The following UTP14A variants were observed in gnomAD, a reference collection of about 807,000 sequenced individuals.
UTP14A encodes UTP14A small subunit processome component.
A neutral mutation model predicts 57.2 loss-of-function variants in UTP14A; 5 were observed. That is an observed-to-expected ratio of 0.09 (90% CI 0.05 to 0.18). The LOEUF is 0.18. Ranked by LOEUF, UTP14A falls within the 10% of genes least tolerant of loss-of-function variation. The probability of loss-of-function intolerance (pLI) is 1.00; values close to 1 mark genes in which losing one functional copy is unlikely to be tolerated. For synonymous variants in UTP14A, 169 were observed against 210.9 expected, an observed-to-expected ratio of 0.80 and a Z score of 1.72; for missense variants, 430 against 562.1, an observed-to-expected ratio of 0.76 and a Z score of 2.38.
intron 8 of UTP14A, among the ~76,000 whole-genome samples, 161 bp from the exon 9 acceptor site, chrX:129,920,296 C>A (rs1929858627): frequency 8.9e-6 from 1 of 111,974 alleles, no homozygotes; most frequent in Non-Finnish European, 1.9e-5. Flanking sequence ...AAGAATCTTG[C>A]CAGTCCTGTC....
chrX:129,924,217 C>T (rs1292876675), intron 11 of UTP14A, among the ~76,000 whole-genome samples: 2 of 110,669 alleles, frequency 1.8e-5, no homozygotes, highest in Admixed American at 9.7e-5. Context: ...AGCTATCCTG[C>T]CCCCTTGGCC....
At chrX:129,910,412 AGTG>A (rs754751529) in intron 4 of UTP14A, among the ~76,000 whole-genome samples, 5 of 111,603 alleles carry the variant, frequency 4.5e-5, no homozygotes, top group Non-Finnish European at 9.4e-5. Flanking sequence ...GGCTGGATAC[AGTG>A]GTTTACACCT....
At chrX:129,909,855 CAAA>C (rs1929399654) in intron 4 of UTP14A, among the ~76,000 whole-genome samples, 2 of 111,930 alleles carry the variant, frequency 1.8e-5, no homozygotes, top group Non-Finnish European at 3.8e-5. Flanking sequence ...CCTCCTAGGG[CAAA>C]TAACAATGTA....
chrX:129,918,606 G>A (rs1011071621), intron 6 of UTP14A, among the ~76,000 whole-genome samples: 22 of 110,847 alleles, frequency 2.0e-4, no homozygotes, highest in African/African-American at 6.9e-4. Context: ...GGGCCGGCGC[G>A]GTGGCTCACG....
chrX:129,929,295 C>A, intron 14 of UTP14A, 41 bp from the exon 15 acceptor site: 1 of 1,196,180 alleles, frequency 8.4e-7, no homozygotes, highest in Non-Finnish European at 1.1e-6. Flanking sequence ...CAACTGCACC[C>A]CAGGCCTGCC....
rs1251274953 is a variant in UTP14A, at chrX:129,919,256, G to A, written c.619G>A (p.Val207Met). ...QPVTDPLLTP[V>M]EKASLRAMSL... ...AGTGACAGACCCTTTACTGACCCCT[G>A]TGGAAAAGGCCTCTCTCCGAGCCAT... The change falls in exon 7 of 15, where the codon GTG becomes ATG. Residue 207 changes from valine (V) to methionine (M), a missense_variant. Physicochemically the swap from Val to Met is conservative, Grantham distance 21 (BLOSUM62 1). This residue lies in a region of UTP14A where 145 missense variants were observed against 153.5 expected (regional missense o/e 0.94). Transcript: ENST00000394422. The A allele has an allele frequency of 1.9e-5, 23 of 1,209,836 alleles. No homozygotes were observed. Among genetic ancestry groups the A allele is most frequent in the Non-Finnish European group, 2.6e-5 (23 of 895,252 alleles).
intron 6 of UTP14A, among the ~76,000 whole-genome samples, chrX:129,913,684 T>C (rs146393888): frequency 0.01 from 1,175 of 112,386 alleles, 7 homozygotes; most frequent in Middle Eastern, 0.056. Context: ...AAGTTTGTTA[T>C]TAAAAACGAG....
chrX:129,917,429 G>A (rs1039016322), intron 6 of UTP14A, among the ~76,000 whole-genome samples: 3 of 112,060 alleles, frequency 2.7e-5, no homozygotes, highest in African/African-American at 9.7e-5. Flanking sequence ...TAATATGTGT[G>A]TGAGGTTTGA....
At chrX:129,912,823 T>C (rs1008504412) in intron 6 of UTP14A, among the ~76,000 whole-genome samples, 1 of 111,977 alleles carries the variant, frequency 8.9e-6, no homozygotes, top group Non-Finnish European at 1.9e-5. Context: ...TAATTCTAAG[T>C]ATGTTTGTTT....
Position 129,911,797 on chromosome X carries a change from C to T in UTP14A, c.413C>T (p.Ala138Val). ...IHREVAFNKTAQVLSKWDPVV... is the reference protein window; with the variant it reads ...IHREVAFNKTVQVLSKWDPVV... ...AGAGAAGTAGCATTCAATAAAACCG[C>T]ACAAGTCCTCTCCAAATGGGACCCT... The change falls in exon 6 of 15, where the codon GCA (alanine) becomes GTA (valine). Residue 138 changes from alanine to valine, a missense_variant. Coordinates refer to ENST00000394422, the MANE Select transcript of UTP14A (RefSeq NM_006649.4). 1 of 1,211,443 alleles carries T rather than the reference C, an allele frequency of 8.3e-7. No individual in the cohort carries two copies. The highest frequency in any genetic ancestry group is 1.7e-5 in the African/African-American group (1 of 57,710).
chrX:129,917,724 G>A (rs1264360876), intron 6 of UTP14A, among the ~76,000 whole-genome samples: 2 of 111,045 alleles, frequency 1.8e-5, no homozygotes, highest in Non-Finnish European at 3.8e-5. Context: ...TAGAGATGGG[G>A]TTTCACCATG....
At position 129,913,438 on chromosome X, in the gene UTP14A, A is replaced by G. The variant is rs748084436; in HGVS notation, c.537+1517A>G. The G allele has an allele frequency of 1.8e-5, 6 of 337,188 alleles. No homozygotes were observed. In the Admixed American group the frequency reaches 1.9e-4, roughly 11 times the overall value. The allele number at this position is 337,188 out of a possible 1,213,427, so 27.8% of individuals were successfully genotyped here. A position where few individuals can be genotyped will look rare whatever the true frequency, so the allele number is the denominator to read the frequency against. On this transcript the variant is annotated intron_variant, in intron 6 of 14. Transcript: ENST00000394422. ...ATTCAAAAATAAAAAAGCATAGAAGATATGTAGTGAAAAGTTTGATTCCAC... is the reference window on the plus strand; with the variant it reads ...ATTCAAAAATAAAAAAGCATAGAAGGTATGTAGTGAAAAGTTTGATTCCAC...
At chrX:129,908,832 T>A (rs1929353220) in intron 4 of UTP14A, 98 bp downstream of exon 4, 1 of 790,817 alleles carries the variant, frequency 1.3e-6, no homozygotes, top group East Asian at 3.2e-5. Context: ...TTTGATGTGG[T>A]TAATGACTCA....
intron 6 of UTP14A, among the ~76,000 whole-genome samples, chrX:129,918,229 TA>T (rs1295507668): frequency 9.2e-6 from 1 of 108,409 alleles, no homozygotes; most frequent in Non-Finnish European, 1.9e-5. Context: ...CTACAAAAAA[TA>T]AAAAAAGTTA....
rs190030006 is a variant in UTP14A, at chrX:129,911,218, G to A, written c.381+68G>A. The A allele has an allele frequency of 1.7e-4, 191 of 1,093,090 alleles. No individual in the cohort carries two copies. The African/African-American group carries it at 3.0e-3, about 17-fold the overall frequency. 90.1% of individuals were successfully genotyped at this position (1,093,090 alleles called of 1,213,427 possible). A position where few individuals can be genotyped will look rare whatever the true frequency, so the allele number is the denominator to read the frequency against. On this transcript the variant is annotated intron_variant, in intron 5 of 14. Coordinates refer to ENST00000394422, the MANE Select transcript of UTP14A (RefSeq NM_006649.4). ...ATTGACAAGGGAAAATAGGGTAATA[G>A]AAAGAAGGGAAAGACCTGAAAAATG...
intron 6 of UTP14A, among the ~76,000 whole-genome samples, chrX:129,914,185 G>A (rs989034427): frequency 9.0e-6 from 1 of 111,097 alleles, no homozygotes; most frequent in Non-Finnish European, 1.9e-5. Context: ...AGTTCAGAGG[G>A]TGCTTTGTGG....
intron 11 of UTP14A, among the ~76,000 whole-genome samples, chrX:129,923,915 T>C (rs956192954): frequency 5.4e-5 from 6 of 110,982 alleles, no homozygotes; most frequent in Admixed American, 3.9e-4. Flanking sequence ...CAGTGGATCA[T>C]TGGCAAAGCT....
chrX:129,907,324 T>C, intron 1 of UTP14A, 43 bp from the exon 2 acceptor site: 3 of 1,087,854 alleles, frequency 2.8e-6, no homozygotes, highest in Non-Finnish European at 3.7e-6. Context: ...GTTTGTTACA[T>C]GGGTATATTG....
chrX:129,913,530 G>A, intron 6 of UTP14A: 1 of 273,170 alleles, frequency 3.7e-6, no homozygotes, highest in East Asian at 1.0e-4. Context: ...TAAGTTTGCT[G>A]TTGTTGTTGT....
Sources: allele counts gnomAD v4.1 joint callset (sites outside exome capture counted in the v4.1 genomes callset), GRCh38; gene constraint gnomAD v4.1.1; regional missense constraint gnomAD v4.1.1; transcripts MANE v1.5; gene names NCBI Gene and HGNC (gene_info 2026-07-23, HGNC 2026-07-21).